The following SCART1 variants were observed in gnomAD, a reference collection of about 807,000 sequenced individuals.
SCART1 encodes scavenger receptor cysteine-rich domain-containing protein SCART1.
Under a neutral mutation model 36.2 loss-of-function variants are expected in SCART1, and 62 were observed. The observed-to-expected ratio is 1.71, with a 90% CI of 1.40 to 2.12. SCART1 has a LOEUF of 2.12. Ranked by LOEUF, SCART1 falls within the 30% of genes most tolerant of loss-of-function variation. SCART1 has a pLI of 0.00. For synonymous variants in SCART1, 487 were observed against 238.7 expected, an observed-to-expected ratio of 2.04 and a Z score of -9.59; for missense variants, 1,041 against 540.5, an observed-to-expected ratio of 1.93 and a Z score of -9.18.
chr10:133,459,044 A>C (rs2133552639), exon 5 of SCART1: 1 of 695,332 alleles, frequency 1.4e-6, no homozygotes, highest in East Asian at 2.7e-5. Context: ...CAACGGCAGC[A>C]GCAGCTGTGA....
intron 1 of SCART1, among the ~76,000 whole-genome samples, chr10:133,455,391 G>T (rs924771730): frequency 6.6e-6 from 1 of 152,094 alleles, no homozygotes; most frequent in Non-Finnish European, 1.5e-5. Flanking sequence ...GAGATTCAAG[G>T]CTCCCCAGGA....
rs189692010 is a variant in SCART1 at position 133,456,916 on chromosome 10, C to T, written c.385+362C>T. On this transcript the variant is annotated intron_variant, in intron 2 of 11. Transcript: ENST00000640237. ...CTTAGACAAATGACAGACAGGTACA[C>T]GCTTTCCCTTTGAGGTCTGGCTCGA... is the stretch of plus-strand genomic sequence containing the variant. Among the ~76,000 whole-genome samples, 343 of 152,290 alleles carry T rather than the reference C, an allele frequency of 2.3e-3. 3 individuals are homozygous for T. Among genetic ancestry groups the T allele is most frequent in the African/African-American group, 7.8e-3 (326 of 41,552 alleles).
chr10:133,467,511 G>A (rs1850775690), intron 11 of SCART1, among the ~76,000 whole-genome samples, 158 bp downstream of exon 11: 1 of 152,182 alleles, frequency 6.6e-6, no homozygotes, highest in South Asian at 2.1e-4. Flanking sequence ...GCAGGGGAGA[G>A]CAGGGCCACA....
chr10:133,466,255 C>T (rs1318433650), exon 10 of SCART1: 2 of 702,682 alleles, frequency 2.8e-6, no homozygotes, highest in Non-Finnish European at 5.2e-6. Context: ...AGGCCCCCCA[C>T]TGCCTGCAGC....
At chr10:133,457,649 AG>A in intron 3 of SCART1, 74 bp downstream of exon 3, 3 of 601,374 alleles carry the variant, frequency 5.0e-6, no homozygotes, top group Admixed American at 3.1e-5. Flanking sequence ...GGCAGGGAGA[AG>A]GGGGGTGGGC....
chr10:133,457,226 C>T (rs1850628063), intron 2 of SCART1, 53 bp from the exon 3 acceptor site: 1 of 684,426 alleles, frequency 1.5e-6, no homozygotes, highest in African/African-American at 1.8e-5. Context: ...TGCCGAGTGA[C>T]CATGCGGCCA....
chr10:133,465,063 T>A, intron 7 of SCART1, 43 bp from the exon 8 acceptor site: 1 of 702,578 alleles, frequency 1.4e-6, no homozygotes, highest in Non-Finnish European at 2.6e-6. Context: ...TTGTGAAGCT[T>A]CTCTGGGCAC....
At chr10:133,465,487 T>A in exon 9 of SCART1, 1 of 521,278 alleles carries the variant, frequency 1.9e-6, no homozygotes, top group Non-Finnish European at 3.3e-6. Flanking sequence ...CAGCGAGGCG[T>A]CCCTGTGGGG....
exon 5 of SCART1, chr10:133,459,103 C>G: frequency 1.4e-6 from 1 of 702,832 alleles, no homozygotes; most frequent in South Asian, 1.5e-5. Context: ...CCCTCTGTGC[C>G]ACCCACTGGG....
chr10:133,467,858 G>A (rs767514091), exon 12 of SCART1: 2 of 685,650 alleles, frequency 2.9e-6, no homozygotes, highest in South Asian at 1.5e-5. Context: ...TTCAGGGGAG[G>A]TGTCTAACCT....
At chr10:133,455,578 G>C (rs991900213) in intron 1 of SCART1, among the ~76,000 whole-genome samples, 1 of 151,986 alleles carries the variant, frequency 6.6e-6, no homozygotes, top group Non-Finnish European at 1.5e-5. Context: ...CATTTTCCTC[G>C]GGGTGGCTGT....
chr10:133,458,499 C>T (rs756739752), exon 4 of SCART1: 39 of 683,920 alleles, frequency 5.7e-5, no homozygotes, highest in South Asian at 3.2e-4. Context: ...GTGGGGCGGT[C>T]GTGTCCACGC....
At chr10:133,460,147 A>G in exon 6 of SCART1, 1 of 509,304 alleles carries the variant, frequency 2.0e-6, no homozygotes, top group Non-Finnish European at 3.4e-6. Flanking sequence ...AGGCACAAGG[A>G]GGACGCCGGC....
intron 3 of SCART1, chr10:133,457,869 A>C (rs1850638980): frequency 3.7e-6 from 2 of 541,818 alleles, no homozygotes; most frequent in Non-Finnish European, 6.5e-6. Flanking sequence ...CTGCATGTCT[A>C]ACATGGATCG....
At chr10:133,457,441 C>T (rs1850632805) in exon 3 of SCART1, 3 of 702,508 alleles carry the variant, frequency 4.3e-6, no homozygotes, top group Non-Finnish European at 5.2e-6. Context: ...CTCCAGGCCC[C>T]CCGCCGGGAC....
chr10:133,460,061 G>T (rs980582929), exon 6 of SCART1: 2 of 510,910 alleles, frequency 3.9e-6, no homozygotes, highest in Admixed American at 4.1e-5. Context: ...GCATCTGGCT[G>T]GACGAGCTGG....
rs80329909 is a variant in SCART1, at chr10:133,464,753, T to A, written c.2117T>A (p.Val706Glu). ...ATCTGCAAGCAGCTGGGGTGTGGGG[T>A]GTGGGGAGTGGGGCTGGCTGGAGAA... The change falls in exon 7 of 12, where the codon GTG becomes GAG. Residue 706 changes from valine to glutamate, a missense_variant. Transcript: ENST00000640237. 6.7e-5 allele frequency: 46 copies of A among 685,378 alleles called. 1 individual carries two copies. In the African/African-American group the frequency reaches 8.1e-4, roughly 12 times the overall value. 42.5% of individuals were successfully genotyped at this position (685,378 alleles called of 1,614,324 possible). A position where few individuals can be genotyped will look rare whatever the true frequency, so the allele number is the denominator to read the frequency against.
Position 133,467,935 on chromosome 10 carries a change from G to C in SCART1, c.3051G>C (p.Glu1017Asp), listed in dbSNP as rs544652882. ...GACCTGTTTCTCAGGGATATGACGA[G>C]GCTGCGTTTCCTCTGGAGGAGATGA... The change falls in exon 12 of 12, where the codon GAG becomes GAC. Residue 1017 changes from glutamate (E) to aspartate (D), a missense_variant. By Grantham distance (45) the Glu-to-Asp change is conservative. Coordinates refer to ENST00000640237, the Ensembl canonical transcript of SCART1. 7.3e-4 allele frequency: 508 copies of C among 698,862 alleles called. 4 individuals are homozygous for C. The African/African-American group carries it at 7.9e-3, about 11-fold the overall frequency. The allele number at this position is 698,862 out of a possible 1,614,324, so 43.3% of individuals were successfully genotyped here.
intron 9 of SCART1, chr10:133,465,815 G>A: frequency 1.4e-6 from 1 of 696,076 alleles, no homozygotes; most frequent in South Asian, 1.5e-5. Context: ...TTCATTTCGG[G>A]TATGTGTCAC....
Sources: allele counts gnomAD v4.1 joint callset (sites outside exome capture counted in the v4.1 genomes callset), GRCh38; gene constraint gnomAD v4.1.1; transcripts MANE v1.5; gene names NCBI Gene and HGNC (gene_info 2026-07-23, HGNC 2026-07-21).